ATF7IP2: variants seen among roughly 807,000 people sequenced by gnomAD.
ATF7IP2 encodes the protein activating transcription factor 7-interacting protein 2.
A neutral mutation model predicts 64.2 loss-of-function variants in ATF7IP2; 42 were observed. The observed-to-expected ratio is 0.65, with a 90% CI of 0.51 to 0.85. The LOEUF (loss-of-function observed/expected upper bound fraction) is 0.85, where lower values mean the gene tolerates loss of function less well. Ranked by LOEUF, ATF7IP2 falls within the 40% of genes least tolerant of loss-of-function variation. The pLI is 0.00. For missense variants in ATF7IP2, 933 were observed against 784.2 expected (o/e 1.19, Z -2.27); for synonymous variants, 308 against 272.8 (o/e 1.13, Z -1.27).
At chr16:10,411,839 T>C (rs953292827) in intron 1 of ATF7IP2, among the ~76,000 whole-genome samples, 8 of 151,836 alleles carry the variant, frequency 5.3e-5, no homozygotes, top group African/African-American at 1.9e-4. Context: ...TAGCCTTGAA[T>C]GATCTTTTAT....
intron 9 of ATF7IP2, among the ~76,000 whole-genome samples, chr16:10,462,547 G>A (rs1178267109): frequency 2.0e-5 from 3 of 152,036 alleles, no homozygotes; most frequent in African/African-American, 4.8e-5. Flanking sequence ...TTCTATTTCT[G>A]TTGAAATGTT....
chr16:10,387,554 T>A (rs900605343), intron 1 of ATF7IP2: 3 of 152,262 alleles, frequency 2.0e-5, no homozygotes, highest in Non-Finnish European at 4.4e-5. Context: ...CAGCCTTCAA[T>A]TCCATTGTGT....
At chr16:10,427,422 T>A (rs1298810727) in intron 3 of ATF7IP2, among the ~76,000 whole-genome samples, 4 of 152,212 alleles carry the variant, frequency 2.6e-5, no homozygotes, top group Admixed American at 2.0e-4. Flanking sequence ...ATTGACTGTA[T>A]GGATGCAAAC....
chr16:10,409,700 C>T (rs970459361), intron 1 of ATF7IP2, among the ~76,000 whole-genome samples: 9 of 152,210 alleles, frequency 5.9e-5, no homozygotes, highest in Admixed American at 4.6e-4. Flanking sequence ...GCTGGGATTA[C>T]AGGCGTGAGC....
intron 1 of ATF7IP2, chr16:10,387,114 T>G (rs538699564): frequency 1.3e-5 from 2 of 152,350 alleles, no homozygotes; most frequent in South Asian, 4.1e-4. Context: ...TAATACTGTT[T>G]TTATTATGAT....
rs1294418709 is a variant in ATF7IP2 at position 10,482,268 on chromosome 16, ATAC to A, written c.*24_*26del. On this transcript the variant is annotated 3_prime_UTR_variant, in exon 14 of 14. Coordinates refer to ENST00000562102, the MANE Select transcript of ATF7IP2 (RefSeq NM_001393719.1). The stretch of plus-strand genomic sequence containing the variant: ...TACGTAAAAGGTGTTTAATAATGAT[ATAC>A]TACTTTTTTTTTCATATTTGTTTGT... 2.5e-5 allele frequency: 38 copies of A among 1,505,344 alleles called. No individual in the cohort carries two copies. The highest frequency in any genetic ancestry group is 3.1e-5 in the Non-Finnish European group (35 of 1,112,650). 93.2% of individuals were successfully genotyped at this position (1,505,344 alleles called of 1,614,324 possible).
intron 3 of ATF7IP2, among the ~76,000 whole-genome samples, chr16:10,426,920 T>G (rs557071718): frequency 3.3e-5 from 5 of 151,190 alleles, no homozygotes; most frequent in African/African-American, 1.2e-4. Flanking sequence ...TGGTGTGATC[T>G]CGGCTCACTG....
chr16:10,412,450 G>A lies in ATF7IP2; in HGVS notation c.-241-2124G>A, dbSNP rs562901044. Among the ~76,000 whole-genome samples the A allele has an allele frequency of 8.9e-4, 135 of 152,206 alleles. No homozygotes were observed. The Middle Eastern group carries it at 0.01, about 12-fold the overall frequency. On this transcript the variant is annotated intron_variant, in intron 1 of 13. Coordinates refer to ENST00000562102, the MANE Select transcript of ATF7IP2 (RefSeq NM_001393719.1). Reference sequence around the variant, plus strand: ...TTGTTGACCCAGTGATCATTCAGGAGCAGGTTATTTAATTTCTATGTGTTT... The same window carrying A: ...TTGTTGACCCAGTGATCATTCAGGAACAGGTTATTTAATTTCTATGTGTTT...
rs1382931205 is a variant in ATF7IP2 at position 10,431,384 on chromosome 16, G to A, written c.764G>A (p.Ser255Asn). ...GACATTTTGAAAACTGATGAGTGTA[G>A]TAGAACCAGTATTTCAAATTGTGAA... ...ADDILKTDEC[S>N]RTSISNCESA... is the part of the protein sequence containing the mutation. Residue 255 changes from serine to asparagine, a missense_variant, in exon 5 of 14, where the codon AGT (serine) becomes AAT (asparagine). Transcript: ENST00000562102. 1.9e-6 allele frequency: 3 copies of A among 1,613,174 alleles called. No individual in the cohort carries two copies. The highest frequency in any genetic ancestry group is 1.7e-6 in the Non-Finnish European group (2 of 1,179,278).
chr16:10,478,891 C>A (rs1420561111), intron 12 of ATF7IP2, among the ~76,000 whole-genome samples: 2 of 152,152 alleles, frequency 1.3e-5, no homozygotes, highest in African/African-American at 2.4e-5. Flanking sequence ...CCAAAAAACA[C>A]ATGAAAAAAT....
At chr16:10,400,158 A>G (rs1285399715) in intron 1 of ATF7IP2, among the ~76,000 whole-genome samples, 1 of 152,168 alleles carries the variant, frequency 6.6e-6, no homozygotes, top group Admixed American at 6.5e-5. Context: ...CTCCTGCCTC[A>G]GCCTCCCAAG....
At chr16:10,469,534 A>T (rs2049708997) in intron 9 of ATF7IP2, among the ~76,000 whole-genome samples, 1 of 152,146 alleles carries the variant, frequency 6.6e-6, no homozygotes, top group Admixed American at 6.6e-5. Context: ...GGAAAATTTT[A>T]AAAAGTAGCC....
At chr16:10,411,594 C>G (rs984469035) in intron 1 of ATF7IP2, among the ~76,000 whole-genome samples, 1 of 151,988 alleles carries the variant, frequency 6.6e-6, no homozygotes, top group Non-Finnish European at 1.5e-5. Flanking sequence ...GGTTTGAACT[C>G]CTGACCTCTG....
At chr16:10,388,923 A>G (rs947980036) in intron 1 of ATF7IP2, among the ~76,000 whole-genome samples, 1 of 152,026 alleles carries the variant, frequency 6.6e-6, no homozygotes, top group Non-Finnish European at 1.5e-5. Flanking sequence ...GAGGCAGGAG[A>G]ATGGCGTGAA....
In ATF7IP2 at chr16:10,440,360, C is replaced by T. The variant is rs530522396; in HGVS notation, c.1096-4C>T. 6.8e-6 allele frequency: 10 copies of T among 1,466,732 alleles called. No homozygotes were observed. Among genetic ancestry groups the T allele is most frequent in the Middle Eastern group, 3.6e-4 (2 of 5,602 alleles). The allele number at this position is 1,466,732 out of a possible 1,614,324, so 90.9% of individuals were successfully genotyped here. The stretch of plus-strand genomic sequence containing the variant: ...GTATTTATTTTTTTCTCTTTTTCTT[C>T]TAGGCAAAAATAGCAAAACTTCAAA... On this transcript the variant is annotated splice_region_variant and splice_polypyrimidine_tract_variant and intron_variant, in intron 7 of 13. Transcript: ENST00000562102.
At chr16:10,423,335 A>T (rs911288385) in intron 3 of ATF7IP2, among the ~76,000 whole-genome samples, 3 of 152,250 alleles carry the variant, frequency 2.0e-5, no homozygotes, top group African/African-American at 7.2e-5. Flanking sequence ...ATTCTTGAAC[A>T]GTCCTGTTAC....
At chr16:10,419,244 A>C (rs1289298320) in intron 2 of ATF7IP2, among the ~76,000 whole-genome samples, 1 of 152,220 alleles carries the variant, frequency 6.6e-6, no homozygotes, top group Non-Finnish European at 1.5e-5. Context: ...CAAGATTGAT[A>C]GTGAGGGGGT....
At chr16:10,425,319 C>G (rs546058650) in intron 3 of ATF7IP2, among the ~76,000 whole-genome samples, 15 of 151,520 alleles carry the variant, frequency 9.9e-5, no homozygotes, top group Admixed American at 3.3e-4. Flanking sequence ...ATCCACCCGC[C>G]TCAGCCTCCT....
chr16:10,443,047 G>A (rs983127374), intron 8 of ATF7IP2, among the ~76,000 whole-genome samples: 1 of 152,072 alleles, frequency 6.6e-6, no homozygotes, highest in African/African-American at 2.4e-5. Context: ...TCCTTTTCCT[G>A]GTTGATGGAA....
Sources: allele counts gnomAD v4.1 joint callset (sites outside exome capture counted in the v4.1 genomes callset), GRCh38; gene constraint gnomAD v4.1.1; transcripts MANE v1.5; gene names NCBI Gene and HGNC (gene_info 2026-07-23, HGNC 2026-07-21).